The following CLIC4 variants were observed in gnomAD, a reference collection of about 807,000 sequenced individuals.
CLIC4 encodes CLIC family member 4, also known as chloride intracellular channel protein 4.
Under a neutral mutation model 24.6 loss-of-function variants are expected in CLIC4, and 13 were observed. That is an observed-to-expected ratio of 0.53 (90% CI 0.34 to 0.84). The LOEUF (loss-of-function observed/expected upper bound fraction) is 0.84, where lower values mean the gene tolerates loss of function less well. CLIC4 is among the 40% of genes least tolerant of loss of function. The probability of loss-of-function intolerance (pLI) is 0.01; values close to 1 mark genes in which losing one functional copy is unlikely to be tolerated. For synonymous variants in CLIC4, 104 were observed against 111.3 expected, an observed-to-expected ratio of 0.93 and a Z score of 0.41; for missense variants, 227 against 301.7, an observed-to-expected ratio of 0.75 and a Z score of 1.83.
chr1:24,779,795 A>G (rs1639181697), intron 1 of CLIC4, among the ~76,000 whole-genome samples: 1 of 151,790 alleles, frequency 6.6e-6, no homozygotes, highest in Non-Finnish European at 1.5e-5. Flanking sequence ...CCCCAATTCA[A>G]TTTAATCTAC....
At chr1:24,783,150 G>C (rs1639225251) in intron 1 of CLIC4, among the ~76,000 whole-genome samples, 1 of 152,108 alleles carries the variant, frequency 6.6e-6, no homozygotes, top group African/African-American at 2.4e-5. Flanking sequence ...GATTCCCTAA[G>C]AGTAGGGATA....
intron 3 of CLIC4, among the ~76,000 whole-genome samples, chr1:24,826,476 G>A (rs922166750): frequency 9.8e-5 from 15 of 152,322 alleles, no homozygotes; most frequent in Middle Eastern, 3.4e-3. Context: ...TGCTGTTTGA[G>A]AAGGCGCGTG....
chr1:24,794,771 C>T (rs1326643822), intron 1 of CLIC4, among the ~76,000 whole-genome samples: 4 of 152,118 alleles, frequency 2.6e-5, no homozygotes, highest in Non-Finnish European at 2.9e-5. Flanking sequence ...TTTGCCAGTT[C>T]CTATGTCCAG....
chr1:24,766,173 T>A (rs1262389204), intron 1 of CLIC4, among the ~76,000 whole-genome samples: 2 of 151,600 alleles, frequency 1.3e-5, no homozygotes, highest in African/African-American at 4.8e-5. Flanking sequence ...CCCAGCTAAT[T>A]TTTGTATTTT....
chr1:24,755,943 T>G (rs887110626), intron 1 of CLIC4, among the ~76,000 whole-genome samples: 3 of 150,358 alleles, frequency 2.0e-5, no homozygotes, highest in African/African-American at 7.3e-5. Flanking sequence ...TGCCTCAACC[T>G]CCTGAGTAGC....
Position 24,841,465 on chromosome 1 carries a change from G to A in CLIC4, c.*528G>A, listed in dbSNP as rs755867279. ...TTTCAATTTAGTCTATCCTGGATAT[G>A]TACTAACGAATATTACCACCAGAGA... On this transcript the variant is annotated 3_prime_UTR_variant, in exon 6 of 6. Coordinates refer to ENST00000374379, the MANE Select transcript of CLIC4 (RefSeq NM_013943.3). 1 of 152,144 alleles carries A rather than the reference G, an allele frequency of 6.6e-6. No homozygotes were observed. The highest frequency in any genetic ancestry group is 1.5e-5 in the Non-Finnish European group (1 of 68,036). 9.4% of individuals were successfully genotyped at this position (152,144 alleles called of 1,614,324 possible).
chr1:24,758,603 C>T (rs1301749212), intron 1 of CLIC4, among the ~76,000 whole-genome samples: 12 of 151,978 alleles, frequency 7.9e-5, no homozygotes, highest in Admixed American at 7.9e-4. Context: ...ACTAGAGACA[C>T]GTACCACCAT....
At chr1:24,814,588 G>A (rs1196832488) in intron 3 of CLIC4, among the ~76,000 whole-genome samples, 1 of 152,220 alleles carries the variant, frequency 6.6e-6, no homozygotes, top group Non-Finnish European at 1.5e-5. Context: ...CTTAGCAGGA[G>A]TGTGGCACAG....
chr1:24,839,838 A>G (rs567004473), intron 4 of CLIC4, 22 bp from the exon 5 acceptor site: 11 of 1,600,102 alleles, frequency 6.9e-6, no homozygotes, highest in African/African-American at 4.0e-5. Context: ...CAGTATTCTC[A>G]TCTCTTTTTT....
chr1:24,762,125 A>G (rs969380826), intron 1 of CLIC4, among the ~76,000 whole-genome samples: 2 of 152,166 alleles, frequency 1.3e-5, no homozygotes, highest in African/African-American at 4.8e-5. Flanking sequence ...TTTGGTATTT[A>G]AAGTGTATGA....
chr1:24,769,358 T>C (rs1405618930), intron 1 of CLIC4, among the ~76,000 whole-genome samples: 2 of 152,198 alleles, frequency 1.3e-5, no homozygotes, highest in East Asian at 3.8e-4. Flanking sequence ...CCAGGCACAG[T>C]GTGCCAGCCG....
chr1:24,805,345 C>T (rs1312240063), intron 2 of CLIC4, among the ~76,000 whole-genome samples: 1 of 151,920 alleles, frequency 6.6e-6, no homozygotes, highest in Non-Finnish European at 1.5e-5. Flanking sequence ...TTAATTTGTT[C>T]AATTAGTGAC....
At chr1:24,803,414 AAGCCC>A (rs1639512828) in intron 2 of CLIC4, among the ~76,000 whole-genome samples, 1 of 152,194 alleles carries the variant, frequency 6.6e-6, no homozygotes, top group Non-Finnish European at 1.5e-5. Context: ...CCATAAGAAC[AAGCCC>A]ATTTCTAGTT....
chr1:24,842,570 C>G lies in CLIC4; in HGVS notation c.*1633C>G, dbSNP rs947487564. ...TATAAGTATACTGCATTTTTTGAGCCTATCATTAATTAGCTTAGTATGAAA... is the reference window on the plus strand; with the variant it reads ...TATAAGTATACTGCATTTTTTGAGCGTATCATTAATTAGCTTAGTATGAAA... On this transcript the variant is annotated 3_prime_UTR_variant, in exon 6 of 6. Transcript: ENST00000374379. 6.6e-6 allele frequency: 1 copy of G among 151,896 alleles called. No individual in the cohort carries two copies. Among genetic ancestry groups the G allele is most frequent in the Non-Finnish European group, 1.5e-5 (1 of 67,974 alleles). The allele number at this position is 151,896 out of a possible 1,614,324, so 9.4% of individuals were successfully genotyped here. A position where few individuals can be genotyped will look rare whatever the true frequency, so the allele number is the denominator to read the frequency against.
intron 1 of CLIC4, among the ~76,000 whole-genome samples, chr1:24,756,184 A>G (rs1447810981): frequency 1.3e-5 from 2 of 152,062 alleles, no homozygotes; most frequent in Non-Finnish European, 2.9e-5. Context: ...TATTTCTAGT[A>G]GAGACGGGGT....
At chr1:24,785,938 G>A (rs4256764) in intron 1 of CLIC4, among the ~76,000 whole-genome samples, 7,036 of 149,864 alleles carry the variant, frequency 0.047, 537 homozygotes, top group African/African-American at 0.16. Context: ...TTGCCCATTT[G>A]TCACATTGTT....
At chr1:24,795,361 T>C (rs984679212) in intron 1 of CLIC4, among the ~76,000 whole-genome samples, 1 of 152,038 alleles carries the variant, frequency 6.6e-6, no homozygotes, top group Admixed American at 6.6e-5. Context: ...AAGGAATGTG[T>C]ACAACAGGAT....
chr1:24,784,973 C>T (rs1639248763), intron 1 of CLIC4, among the ~76,000 whole-genome samples: 1 of 139,656 alleles, frequency 7.2e-6, no homozygotes, highest in Admixed American at 7.8e-5. Flanking sequence ...CACTGCACTC[C>T]AGCCTGGGCG....
In CLIC4 at chr1:24,814,228, C is replaced by G. The variant is rs199730186; in HGVS notation, c.308+9C>G. On this transcript the variant is annotated intron_variant, in intron 3 of 5. Transcript: ENST00000374379. ...GTCTTATGCCCTCCCAAGTGAGTAT[C>G]AAGGAAAATACGTATGAAAATATTG... The G allele has an allele frequency of 5.5e-5, 88 of 1,607,322 alleles. No individual in the cohort carries two copies. Among genetic ancestry groups the G allele is most frequent in the Admixed American group, 2.9e-4 (17 of 57,984 alleles).
Sources: allele counts gnomAD v4.1 joint callset (sites outside exome capture counted in the v4.1 genomes callset), GRCh38; gene constraint gnomAD v4.1.1; transcripts MANE v1.5; gene names NCBI Gene and HGNC (gene_info 2026-07-23, HGNC 2026-07-21).